Variants in FMN2 observed in about 807,000 individuals in gnomAD.
FMN2 encodes the protein formin 2.
Under a neutral mutation model 142.3 loss-of-function variants are expected in FMN2, and 51 were observed. That is an observed-to-expected ratio of 0.36 (90% CI 0.29 to 0.45). FMN2 has a LOEUF of 0.45. FMN2 is among the 20% of genes least tolerant of loss of function. FMN2 has a pLI of 1.00. For missense variants in FMN2, 1,936 were observed against 2,122.8 expected (o/e 0.91, Z 1.73); for synonymous variants, 882 against 869.8 (o/e 1.01, Z -0.25).
rs1482045384 is a variant in FMN2 at position 240,145,309 on chromosome 1, G to A, written c.1782+21964G>A. The A allele has an allele frequency of 4.5e-5, 56 of 1,244,604 alleles. No homozygotes were observed. The East Asian group carries it at 4.5e-4, about 10-fold the overall frequency. 77.1% of individuals were successfully genotyped at this position (1,244,604 alleles called of 1,614,324 possible). A position where few individuals can be genotyped will look rare whatever the true frequency, so the allele number is the denominator to read the frequency against. ...TGCCGCTTGGCTTCTCATCCATGCC[G>A]CTGAGGGCCGCCGCTGGGGGCTGCT... is the stretch of plus-strand genomic sequence containing the variant. On this transcript the variant is annotated intron_variant, in intron 2 of 17. Transcript: ENST00000319653.
chr1:240,198,305 A>G (rs1665992953), intron 4 of FMN2, among the ~76,000 whole-genome samples: 1 of 152,070 alleles, frequency 6.6e-6, no homozygotes, highest in African/African-American at 2.4e-5. Flanking sequence ...TATTGCTTCC[A>G]CTGTGTTTGT....
chr1:240,102,071 T>G (rs544501384), intron 1 of FMN2, among the ~76,000 whole-genome samples: 1 of 152,302 alleles, frequency 6.6e-6, no homozygotes, highest in South Asian at 2.1e-4. Flanking sequence ...TTTAATATAT[T>G]GGTTTTTGTT....
At chr1:240,287,480 T>A (rs750885948) in intron 7 of FMN2, among the ~76,000 whole-genome samples, 1 of 152,222 alleles carries the variant, frequency 6.6e-6, no homozygotes, top group African/African-American at 2.4e-5. Context: ...ATTTTGTGTT[T>A]AAGCTTCTGC....
chr1:240,351,703 G>A (rs979041273), intron 13 of FMN2, among the ~76,000 whole-genome samples: 5 of 152,144 alleles, frequency 3.3e-5, no homozygotes, highest in Admixed American at 2.6e-4. Flanking sequence ...CCAGAGGATG[G>A]TTGTCACCAT....
chr1:240,100,301 G>A (rs989902986), intron 1 of FMN2, among the ~76,000 whole-genome samples: 6 of 152,310 alleles, frequency 3.9e-5, no homozygotes, highest in Non-Finnish European at 7.4e-5. Flanking sequence ...AAAGGGAATA[G>A]AGAAAATTGT....
intron 15 of FMN2, among the ~76,000 whole-genome samples, chr1:240,425,381 C>G (rs761792464): frequency 6.6e-6 from 1 of 152,154 alleles, no homozygotes; most frequent in Non-Finnish European, 1.5e-5. Flanking sequence ...GAATGGGAAG[C>G]CTCTCTGGCA....
intron 6 of FMN2, among the ~76,000 whole-genome samples, chr1:240,221,572 TG>T (rs1553344097): frequency 6.6e-6 from 1 of 152,152 alleles, no homozygotes; most frequent in Non-Finnish European, 1.5e-5. Flanking sequence ...ATTGTTTGTT[TG>T]TTTTTTTTCT....
chr1:240,271,553 A>G (rs1039146431), intron 7 of FMN2, among the ~76,000 whole-genome samples: 1 of 151,158 alleles, frequency 6.6e-6, no homozygotes, highest in East Asian at 2.0e-4. Context: ...TGTTTATTAT[A>G]TTTATTGAGA....
intron 14 of FMN2, among the ~76,000 whole-genome samples, chr1:240,375,589 G>A (rs1352729517): frequency 6.6e-6 from 1 of 152,088 alleles, no homozygotes; most frequent in Non-Finnish European, 1.5e-5. Context: ...TTACCCTTTT[G>A]AACTTTCCTA....
intron 2 of FMN2, among the ~76,000 whole-genome samples, chr1:240,131,399 G>A (rs1468123642): frequency 1.3e-5 from 2 of 152,046 alleles, no homozygotes; most frequent in Non-Finnish European, 2.9e-5. Context: ...GTTTGCTGTG[G>A]GGAACAGCCA....
intron 16 of FMN2, among the ~76,000 whole-genome samples, chr1:240,463,391 A>G (rs1388018629): frequency 6.6e-6 from 1 of 152,214 alleles, no homozygotes; most frequent in African/African-American, 2.4e-5. Context: ...GATGGTTTTG[A>G]ATGGTTATGC....
chr1:240,341,366 T>C lies in FMN2; in HGVS notation c.4765+7137T>C, dbSNP rs369930048. 157 of 152,328 alleles carry C rather than the reference T, an allele frequency of 1.0e-3. 1 individual carries two copies. Among genetic ancestry groups the C allele is most frequent in the African/African-American group, 3.5e-3 (145 of 41,574 alleles). The allele number at this position is 152,328 out of a possible 1,614,324, so 9.4% of individuals were successfully genotyped here. Reference sequence around the variant, plus strand: ...TTGTCCTTCAGAGTCACTAGTTTCCTATGTGGTGTTAGAATGATGATTTTT... The same window carrying C: ...TTGTCCTTCAGAGTCACTAGTTTCCCATGTGGTGTTAGAATGATGATTTTT... On this transcript the variant is annotated intron_variant, in intron 13 of 17. Transcript: ENST00000319653.
intron 7 of FMN2, among the ~76,000 whole-genome samples, chr1:240,278,302 C>G (rs1162938563): frequency 6.6e-6 from 1 of 152,144 alleles, no homozygotes; most frequent in Non-Finnish European, 1.5e-5. Context: ...AGCACAAGGT[C>G]TGGGTGTCAC....
intron 15 of FMN2, among the ~76,000 whole-genome samples, chr1:240,429,304 T>G (rs76086717): frequency 0.033 from 5,073 of 152,280 alleles, 266 homozygotes; most frequent in African/African-American, 0.12. Context: ...CATGTCTTTC[T>G]CTCATTGGTC....
intron 2 of FMN2, among the ~76,000 whole-genome samples, chr1:240,133,590 A>C (rs1020733592): frequency 6.6e-6 from 1 of 151,944 alleles, no homozygotes; most frequent in Non-Finnish European, 1.5e-5. Context: ...TTCCTTTCCA[A>C]ACTCTTTTGC....
intron 6 of FMN2, among the ~76,000 whole-genome samples, chr1:240,252,254 T>G (rs1448149115): frequency 6.6e-6 from 1 of 152,266 alleles, no homozygotes; most frequent in African/African-American, 2.4e-5. Flanking sequence ...TCTTCCTTTC[T>G]TTTTCTCTTA....
intron 4 of FMN2, 47 bp downstream of exon 4, chr1:240,188,309 T>C: frequency 6.3e-7 from 1 of 1,589,226 alleles, no homozygotes; most frequent in Non-Finnish European, 8.6e-7. Flanking sequence ...GTCTTATTTG[T>C]CTTAAGATTG....
Position 240,208,636 on chromosome 1 carries a change from G to C in FMN2, c.3824G>C (p.Gly1275Ala). Residue 1275 changes from glycine (G) to alanine (A), a missense_variant, in exon 5 of 18, where the codon GGG becomes GCG. Physicochemically the swap from Gly to Ala is moderately conservative, Grantham distance 60. Coordinates refer to ENST00000319653, the MANE Select transcript of FMN2 (RefSeq NM_020066.5). Reference sequence around the variant, plus strand: ...TTGCCAAGTGGCTTGTTTGGATTAGGGATGAATCAGGACAAAGGGAGTAGG... The same window carrying C: ...TTGCCAAGTGGCTTGTTTGGATTAGCGATGAATCAGGACAAAGGGAGTAGG... ...PPLPSGLFGL[G>A]MNQDKGSRKQ... The C allele has an allele frequency of 1.9e-6, 3 of 1,613,848 alleles. No individual in the cohort carries two copies. Among genetic ancestry groups the C allele is most frequent in the Non-Finnish European group, 2.5e-6 (3 of 1,180,022 alleles).
At chr1:240,447,655 T>G (rs1165777258) in intron 16 of FMN2, among the ~76,000 whole-genome samples, 1 of 152,226 alleles carries the variant, frequency 6.6e-6, no homozygotes, top group African/African-American at 2.4e-5. Flanking sequence ...TGCACCAACC[T>G]AATACGTGGG....
Sources: gnomAD v4.1 joint callset for allele counts (sites outside exome capture counted in the v4.1 genomes callset) on GRCh38, gnomAD v4.1.1 for gene constraint, MANE v1.5 for transcripts, NCBI Gene and HGNC (gene_info 2026-07-23, HGNC 2026-07-21) for gene names.